The following WDR25 variants were observed in gnomAD, a reference collection of about 807,000 sequenced individuals.
WDR25 encodes the protein WD repeat-containing protein 25.
In WDR25, 35 loss-of-function variants were observed where a neutral mutation model predicts 47.7. The ratio of observed to expected loss-of-function variants is 0.73; its 90% CI spans 0.56 to 0.97. The LOEUF (loss-of-function observed/expected upper bound fraction) is 0.97, where lower values mean the gene tolerates loss of function less well. WDR25 is among the 50% of genes least tolerant of loss of function. The pLI, the probability that WDR25 is intolerant of heterozygous loss-of-function variation, is 0.00. For missense variants in WDR25, 634 were observed against 704.7 expected, an observed-to-expected ratio of 0.90 and a Z score of 1.14; for synonymous variants, 248 against 278.9, an observed-to-expected ratio of 0.89 and a Z score of 1.10.
At chr14:100,388,223 G>T (rs1387465081) in intron 2 of WDR25, among the ~76,000 whole-genome samples, 1 of 152,192 alleles carries the variant, frequency 6.6e-6, no homozygotes, top group Non-Finnish European at 1.5e-5. Flanking sequence ...AAGGAGGTTT[G>T]GGTGGTGGTA....
At chr14:100,463,142 C>G (rs773552491) in intron 2 of WDR25, among the ~76,000 whole-genome samples, 12 of 148,274 alleles carry the variant, frequency 8.1e-5, no homozygotes, top group Non-Finnish European at 1.8e-4. Context: ...TCTTTTTTCT[C>G]TCCTCTCCCC....
At chr14:100,478,239 T>C (rs925426237) in intron 3 of WDR25, among the ~76,000 whole-genome samples, 1 of 152,254 alleles carries the variant, frequency 6.6e-6, no homozygotes, top group African/African-American at 2.4e-5. Flanking sequence ...CTGTTTGCCA[T>C]GCTCTTTGGA....
chr14:100,421,193 A>G (rs895544118), intron 2 of WDR25, among the ~76,000 whole-genome samples: 1 of 152,168 alleles, frequency 6.6e-6, no homozygotes, highest in African/African-American at 2.4e-5. Context: ...CTTTCTTATT[A>G]ATGGGATAGT....
chr14:100,408,557 T>C (rs939293804), intron 2 of WDR25, among the ~76,000 whole-genome samples: 1 of 151,478 alleles, frequency 6.6e-6, no homozygotes, highest in East Asian at 2.0e-4. Flanking sequence ...CCAGTCTCTA[T>C]AGCTGAAGGC....
intron 4 of WDR25, among the ~76,000 whole-genome samples, chr14:100,484,497 T>C (rs1325738925): frequency 1.3e-5 from 2 of 151,968 alleles, no homozygotes; most frequent in Non-Finnish European, 2.9e-5. Flanking sequence ...TGTGTGTGTG[T>C]GCGCACTTGT....
chr14:100,521,032 A>C (rs1277838914), intron 4 of WDR25, among the ~76,000 whole-genome samples: 1 of 152,222 alleles, frequency 6.6e-6, no homozygotes, highest in African/African-American at 2.4e-5. Context: ...TAATTTAATA[A>C]AATGTGTATA....
chr14:100,416,305 A>G (rs1451988065), intron 2 of WDR25, among the ~76,000 whole-genome samples: 1 of 152,204 alleles, frequency 6.6e-6, no homozygotes, highest in Non-Finnish European at 1.5e-5. Context: ...AATTGTGACT[A>G]CTGCTGTTGT....
intron 2 of WDR25, among the ~76,000 whole-genome samples, chr14:100,403,839 C>G (rs761036954): frequency 6.6e-6 from 1 of 152,088 alleles, no homozygotes; most frequent in Non-Finnish European, 1.5e-5. Flanking sequence ...AGACTTCCAT[C>G]GAGATGATTG....
intron 4 of WDR25, among the ~76,000 whole-genome samples, chr14:100,522,036 T>G (rs1259257397): frequency 3.3e-5 from 5 of 152,228 alleles, no homozygotes; most frequent in Admixed American, 3.3e-4. Context: ...AAGGACCATT[T>G]CATTTTTTTC....
intron 2 of WDR25, among the ~76,000 whole-genome samples, chr14:100,450,849 G>A (rs928059924): frequency 2.0e-5 from 3 of 152,182 alleles, no homozygotes; most frequent in Non-Finnish European, 4.4e-5. Flanking sequence ...GAGGGAAGAG[G>A]CCTGTGGCTT....
rs1192139564 is a variant in WDR25 at position 100,454,352 on chromosome 14, A to C, written c.823-13669A>C. The C allele has an allele frequency of 6.2e-6, 8 of 1,285,014 alleles. No homozygotes were observed. In the East Asian group the frequency reaches 4.4e-4, roughly 71 times the overall value. 79.6% of individuals were successfully genotyped at this position (1,285,014 alleles called of 1,614,324 possible). On this transcript the variant is annotated intron_variant, in intron 2 of 6. Transcript: ENST00000402312. Reference sequence around the variant, plus strand: ...GACTGAGGTAATGGGGTAATGGAGTATGTGTATGGCAGGTGTGAGGGTGGA... The same window carrying C: ...GACTGAGGTAATGGGGTAATGGAGTCTGTGTATGGCAGGTGTGAGGGTGGA...
Position 100,466,974 on chromosome 14 carries a change from C to T in WDR25, c.823-1047C>T, listed in dbSNP as rs114689852. Reference sequence around the variant, plus strand: ...GGAAAGCTAAGCTCAGGGGCTCTCACGTGGTGTGGCCCTGGCTCTGGGAAT... The same window carrying T: ...GGAAAGCTAAGCTCAGGGGCTCTCATGTGGTGTGGCCCTGGCTCTGGGAAT... On this transcript the variant is annotated intron_variant, in intron 2 of 6. Transcript: ENST00000402312. Among the ~76,000 whole-genome samples, 1,291 of 152,278 alleles carry T rather than the reference C, an allele frequency of 8.5e-3. 21 individuals carry two copies. Among genetic ancestry groups the T allele is most frequent in the African/African-American group, 0.03 (1,229 of 41,536 alleles).
intron 4 of WDR25, among the ~76,000 whole-genome samples, chr14:100,497,939 A>G (rs1032458499): frequency 2.0e-5 from 3 of 152,136 alleles, no homozygotes; most frequent in Non-Finnish European, 4.4e-5. Flanking sequence ...GTCTTTTCCA[A>G]CCTGGTATCC....
intron 2 of WDR25, among the ~76,000 whole-genome samples, chr14:100,441,492 C>G (rs1898669163): frequency 6.6e-6 from 1 of 152,082 alleles, no homozygotes; most frequent in Admixed American, 6.5e-5. Flanking sequence ...CTGGAAGTGG[C>G]AGTGCCCAGA....
intron 2 of WDR25, among the ~76,000 whole-genome samples, chr14:100,408,013 C>A (rs1291101760): frequency 6.6e-6 from 1 of 152,094 alleles, no homozygotes; most frequent in East Asian, 1.9e-4. Flanking sequence ...TGCCTGCACA[C>A]CAGGCACTGG....
Position 100,407,455 on chromosome 14 carries a change from G to A in WDR25, c.822+25709G>A, listed in dbSNP as rs1299442357. ...AAGCTAAGTGAGGCCAGCCTTCTGG[G>A]TGTTGGGTATCAGGTTCTGGACGGG... On this transcript the variant is annotated intron_variant, in intron 2 of 6. Coordinates refer to ENST00000402312, the MANE Select transcript of WDR25 (RefSeq NM_001161476.3). This position sits in a 1 kb window ranked among gnomAD's most constrained non-coding sequence, Gnocchi z 4.1. 3 of 152,380 alleles carry A rather than the reference G, an allele frequency of 2.0e-5. No homozygotes were observed. Among genetic ancestry groups the A allele is most frequent in the African/African-American group, 7.2e-5 (3 of 41,442 alleles). 9.4% of individuals were successfully genotyped at this position (152,380 alleles called of 1,614,324 possible).
chr14:100,452,576 C>T (rs1354171958), intron 2 of WDR25, among the ~76,000 whole-genome samples: 4 of 151,972 alleles, frequency 2.6e-5, no homozygotes, highest in Non-Finnish European at 5.9e-5. Flanking sequence ...GGTGCCCAGG[C>T]CTTGAGGGGG....
At chr14:100,376,982 G>C (rs575987466) in intron 1 of WDR25, among the ~76,000 whole-genome samples, 4 of 152,344 alleles carry the variant, frequency 2.6e-5, no homozygotes, top group African/African-American at 9.6e-5. Flanking sequence ...GATAGTGACT[G>C]TCAGAGTCAC....
intron 3 of WDR25, among the ~76,000 whole-genome samples, chr14:100,483,286 G>A (rs1900267401): frequency 6.6e-6 from 1 of 152,148 alleles, no homozygotes; most frequent in South Asian, 2.1e-4. Flanking sequence ...GTATATATAT[G>A]TACATACACA....
Sources: gnomAD v4.1 joint callset for allele counts (sites outside exome capture counted in the v4.1 genomes callset) on GRCh38, gnomAD v4.1.1 for gene constraint, Gnocchi (gnomAD v3.1) non-coding constraint, MANE v1.5 for transcripts, NCBI Gene and HGNC (gene_info 2026-07-23, HGNC 2026-07-21) for gene names.